ATP2B4: variants seen among roughly 807,000 people sequenced by gnomAD.
The protein encoded by ATP2B4 is plasma membrane calcium-transporting ATPase 4.
In ATP2B4, 39 loss-of-function variants were observed where a neutral mutation model predicts 110.3. That is an observed-to-expected ratio of 0.35 (90% CI 0.27 to 0.46). ATP2B4 has a LOEUF of 0.46. Ranked by LOEUF, ATP2B4 falls within the 20% of genes least tolerant of loss-of-function variation. ATP2B4 has a pLI of 1.00. For missense variants in ATP2B4, 1,135 were observed against 1,530.9 expected, an observed-to-expected ratio of 0.74 and a Z score of 4.32; for synonymous variants, 538 against 571.7, an observed-to-expected ratio of 0.94 and a Z score of 0.84.
chr1:203,688,180 T>C (rs1295798857), intron 2 of ATP2B4, among the ~76,000 whole-genome samples: 1 of 150,576 alleles, frequency 6.6e-6, no homozygotes, highest in Non-Finnish European at 1.5e-5. Context: ...CGCGCCACCA[T>C]GCCGGGTTAA....
At chr1:203,646,704 A>G (rs1240959606) in intron 1 of ATP2B4, among the ~76,000 whole-genome samples, 1 of 152,072 alleles carries the variant, frequency 6.6e-6, no homozygotes, top group Non-Finnish European at 1.5e-5. Flanking sequence ...CGGAGGTTAC[A>G]GTGAGCCGAG....
intron 2 of ATP2B4, among the ~76,000 whole-genome samples, chr1:203,686,311 A>G (rs1665177656): frequency 6.6e-6 from 1 of 152,112 alleles, no homozygotes; most frequent in African/African-American, 2.4e-5. Context: ...ACAAACAGGA[A>G]CTCGGGAGTC....
At chr1:203,666,462 C>T (rs544190988) in intron 1 of ATP2B4, among the ~76,000 whole-genome samples, 11 of 152,306 alleles carry the variant, frequency 7.2e-5, no homozygotes, top group African/African-American at 2.6e-4. Flanking sequence ...TCTCATCTGC[C>T]CTCTTTCAGG....
chr1:203,695,466 T>A (rs904098878), intron 2 of ATP2B4, among the ~76,000 whole-genome samples: 20 of 152,150 alleles, frequency 1.3e-4, no homozygotes, highest in African/African-American at 4.8e-4. Context: ...CCAATTTGCT[T>A]CTAGAGGTTT....
intron 1 of ATP2B4, among the ~76,000 whole-genome samples, chr1:203,628,335 G>C (rs1663152146): frequency 6.6e-6 from 1 of 152,160 alleles, no homozygotes; most frequent in Admixed American, 6.5e-5. Context: ...TCTCCAACTG[G>C]GTGTGGAGGG....
At chr1:203,691,568 C>T (rs1665374454) in intron 2 of ATP2B4, among the ~76,000 whole-genome samples, 1 of 152,168 alleles carries the variant, frequency 6.6e-6, no homozygotes, top group East Asian at 1.9e-4. Flanking sequence ...GGAAGCGGCC[C>T]ACCTTGGGAA....
rs1304513784 is a variant in ATP2B4, at chr1:203,715,954, T to C, written c.2406+1677T>C. ...CACCCACTCAGGCCCCACCCCAGAT[T>C]TACTGAATTGGAAAGCCGGGAACTG... On this transcript the variant is annotated intron_variant, in intron 15 of 20. Transcript: ENST00000357681. 2.8e-5 allele frequency among the ~76,000 whole-genome samples: 4 copies of C among 144,272 alleles called. 1 individual carries two copies. Among genetic ancestry groups the C allele is most frequent in the African/African-American group, 1.0e-4 (4 of 39,502 alleles). 94.6% of individuals were successfully genotyped at this position (144,272 alleles called of 152,430 possible).
chr1:203,683,666 CTTTTTT>C (rs11326748), intron 2 of ATP2B4, among the ~76,000 whole-genome samples: 3 of 77,698 alleles, frequency 3.9e-5, no homozygotes, highest in Non-Finnish European at 4.7e-5. Flanking sequence ...TCTTTTGTTT[CTTTTTT>C]TTTTTTTTTT....
intron 1 of ATP2B4, among the ~76,000 whole-genome samples, chr1:203,646,760 T>G (rs1259651111): frequency 6.6e-6 from 1 of 151,722 alleles, no homozygotes; most frequent in Non-Finnish European, 1.5e-5. Flanking sequence ...AGACTCCATC[T>G]CAAAAAAAAT....
chr1:203,644,048 G>A (rs1297905927), intron 1 of ATP2B4, among the ~76,000 whole-genome samples: 9 of 151,972 alleles, frequency 5.9e-5, no homozygotes, highest in African/African-American at 1.9e-4. Flanking sequence ...TTAGGGGTTC[G>A]AGGCCAGCTT....
chr1:203,681,654 G>C (rs762841273), intron 1 of ATP2B4, among the ~76,000 whole-genome samples: 4 of 152,028 alleles, frequency 2.6e-5, no homozygotes, highest in African/African-American at 9.7e-5. Context: ...TCAGCCCTCC[G>C]TTTTGTCACC....
intron 1 of ATP2B4, among the ~76,000 whole-genome samples, chr1:203,636,405 C>T (rs943213251): frequency 2.6e-5 from 4 of 152,106 alleles, no homozygotes; most frequent in African/African-American, 9.7e-5. Flanking sequence ...TCTTTTTCTC[C>T]CTCTCTTCTC....
Position 203,645,707 on chromosome 1 carries a change from C to T in ATP2B4, c.-465+18488C>T, listed in dbSNP as rs949931683. Among the ~76,000 whole-genome samples the T allele has an allele frequency of 3.3e-4, 50 of 151,998 alleles. 2 individuals carry two copies. Among genetic ancestry groups the T allele is most frequent in the Admixed American group, 3.2e-3 (49 of 15,262 alleles). On this transcript the variant is annotated intron_variant, in intron 1 of 20. Transcript: ENST00000357681. ...CTGGGTTCAAGCGATTCTCCTGCCT[C>T]AGCCTCCCAAGTAGCTGGAATTACA...
chr1:203,682,047 T>A (rs1474806034), intron 1 of ATP2B4, among the ~76,000 whole-genome samples: 1 of 152,006 alleles, frequency 6.6e-6, no homozygotes, highest in Non-Finnish European at 1.5e-5. Context: ...CAAAACTTGG[T>A]GCCGGCCAGG....
intron 1 of ATP2B4, among the ~76,000 whole-genome samples, chr1:203,636,705 TG>T (rs1184897499): frequency 6.6e-6 from 1 of 152,226 alleles, no homozygotes; most frequent in Non-Finnish European, 1.5e-5. Flanking sequence ...CTTCATCAAC[TG>T]CACTGTTACA....
At position 203,739,705 on chromosome 1, in the gene ATP2B4, G is replaced by A. The variant is rs770767518; in HGVS notation, c.3469G>A (p.Asp1157Asn). 10 of 1,614,070 alleles carry A rather than the reference G, an allele frequency of 6.2e-6. No homozygotes were observed. The highest frequency in any genetic ancestry group is 5.0e-5 in the Admixed American group (3 of 60,008). ...GGATGAGGAAGAGGAGGAAAATCCT[G>A]ACAAGGCTTCTAAGTTTGGGACTAG... ...LLDEEEEENP[D>N]KASKFGTRVL... The change falls in exon 21 of 21, where the codon GAC becomes AAC. Residue 1157 changes from aspartate (D) to asparagine (N), a missense_variant. Physicochemically the swap from Asp to Asn is conservative, Grantham distance 23. Coordinates refer to ENST00000357681, the MANE Select transcript of ATP2B4 (RefSeq NM_001684.5).
intron 20 of ATP2B4, chr1:203,733,444 A>G: frequency 2.0e-6 from 3 of 1,516,362 alleles, no homozygotes; most frequent in Admixed American, 3.8e-5. Flanking sequence ...TAAAATGACC[A>G]CAAGAGAGCA....
At position 203,713,224 on chromosome 1, in the gene ATP2B4, T is replaced by A. The variant is rs374041462; in HGVS notation, c.2271T>A (p.Ser757=). 47 of 1,613,998 alleles carry A rather than the reference T, an allele frequency of 2.9e-5. No individual in the cohort carries two copies. The highest frequency in any genetic ancestry group is 3.7e-5 in the Non-Finnish European group (44 of 1,180,024). ...AGCTTCGGGTCCTGGCGCGATCTTC[T>A]CCCACTGACAAGCACACCCTGGTGA... ...WPKLRVLARS[S]PTDKHTLVKG... is the part of the protein sequence containing the mutation. The change falls in exon 14 of 21, where the codon TCT becomes TCA. Residue 757 remains serine, a synonymous_variant. Coordinates refer to ENST00000357681, the MANE Select transcript of ATP2B4 (RefSeq NM_001684.5).
At chr1:203,665,501 G>C (rs1014837097) in intron 1 of ATP2B4, among the ~76,000 whole-genome samples, 3 of 152,030 alleles carry the variant, frequency 2.0e-5, no homozygotes, top group African/African-American at 7.2e-5. Flanking sequence ...CTGCTTTCCT[G>C]TCAAGATTGT....
Sources: allele counts gnomAD v4.1 joint callset (sites outside exome capture counted in the v4.1 genomes callset), GRCh38; gene constraint gnomAD v4.1.1; transcripts MANE v1.5; gene names NCBI Gene and HGNC (gene_info 2026-07-23, HGNC 2026-07-21).